Variants in AKAP12 observed in about 807,000 individuals in gnomAD.
AKAP12 encodes A-kinase anchoring protein 12.
AKAP12 carries 32 observed loss-of-function variants against 79.9 expected under a neutral mutation model. The observed-to-expected ratio is 0.40, with a 90% CI of 0.30 to 0.54. AKAP12 has a LOEUF of 0.54. Among genes scored for constraint, AKAP12 ranks in the 20% least tolerant of loss-of-function variants. The pLI is 0.48. For missense variants in AKAP12, 2,074 were observed against 2,177.0 expected (o/e 0.95, Z 0.94); for synonymous variants, 808 against 857.0 (o/e 0.94, Z 1.00).
At chr6:151,263,232 G>A in intron 2 of AKAP12, among the ~76,000 whole-genome samples, 1 of 152,038 alleles carries the variant, frequency 6.6e-6, no homozygotes, top group Non-Finnish European at 1.5e-5. Flanking sequence ...ATAGGGTCTT[G>A]CTATGTTGCC....
At chr6:151,248,859 T>C (rs1319281515) in intron 2 of AKAP12, among the ~76,000 whole-genome samples, 1 of 152,032 alleles carries the variant, frequency 6.6e-6, no homozygotes, top group Non-Finnish European at 1.5e-5. Flanking sequence ...TGGTGGTGTG[T>C]ACCTGTAATC....
intron 2 of AKAP12, among the ~76,000 whole-genome samples, chr6:151,288,369 T>A (rs540595080): frequency 2.6e-5 from 4 of 151,928 alleles, no homozygotes; most frequent in South Asian, 4.2e-4. Context: ...ACAAAAAAAT[T>A]AGCTGGGCAT....
At chr6:151,290,959 C>T (rs1348936663) in intron 2 of AKAP12, among the ~76,000 whole-genome samples, 1 of 152,198 alleles carries the variant, frequency 6.6e-6, no homozygotes, top group Non-Finnish European at 1.5e-5. Flanking sequence ...ATCCCCTTCT[C>T]TTCCTCAGAA....
chr6:151,262,673 G>T (rs930563888), intron 2 of AKAP12, among the ~76,000 whole-genome samples: 3 of 152,010 alleles, frequency 2.0e-5, no homozygotes, highest in Non-Finnish European at 4.4e-5. Context: ...GTGAATATCT[G>T]GCATGAATTA....
intron 3 of AKAP12, among the ~76,000 whole-genome samples, chr6:151,323,019 G>T (rs1350983714): frequency 1.3e-5 from 2 of 151,952 alleles, no homozygotes; most frequent in Non-Finnish European, 2.9e-5. Flanking sequence ...AATGATAAAA[G>T]AAAGTCTCCT....
rs759523213 is a variant in AKAP12 at position 151,352,146 on chromosome 6, T to G, written c.3755T>G (p.Val1252Gly). 1 of 1,613,972 alleles carries G rather than the reference T, an allele frequency of 6.2e-7. No homozygotes were observed. The highest frequency in any genetic ancestry group is 1.3e-5 in the African/African-American group (1 of 74,898). ...TLEHTDKEVS[V>G]ETVSILSKTE... Reference sequence around the variant, plus strand: ...GAGCATACAGATAAAGAGGTGTCAGTGGAAACTGTATCCATTCTGTCAAAG... The same window carrying G: ...GAGCATACAGATAAAGAGGTGTCAGGGGAAACTGTATCCATTCTGTCAAAG... The change falls in exon 4 of 5, where the codon GTG (valine) becomes GGG (glycine). Residue 1252 changes from valine (V) to glycine (G), a missense_variant. Coordinates refer to ENST00000402676, the MANE Select transcript of AKAP12 (RefSeq NM_005100.4).
At chr6:151,344,628 T>C (rs961599796) in intron 3 of AKAP12, among the ~76,000 whole-genome samples, 1 of 151,618 alleles carries the variant, frequency 6.6e-6, no homozygotes, top group African/African-American at 2.4e-5. Flanking sequence ...CTGCCTCCCA[T>C]GTTCAAGAGA....
chr6:151,345,236 T>C (rs979477440), intron 3 of AKAP12, among the ~76,000 whole-genome samples: 22 of 151,612 alleles, frequency 1.5e-4, no homozygotes, highest in Non-Finnish European at 3.2e-4. Context: ...CCACCACGCC[T>C]GGCTAATTTT....
At position 151,297,240 on chromosome 6, in the gene AKAP12, C is replaced by T. The variant is rs1231110564; in HGVS notation, c.163-8507C>T. On this transcript the variant is annotated intron_variant, in intron 2 of 4. Coordinates refer to ENST00000402676, the MANE Select transcript of AKAP12 (RefSeq NM_005100.4). The stretch of plus-strand genomic sequence containing the variant: ...TTGTGGGGGCAGGATCACTTGCCCT[C>T]GCAACCTGAGGATCTGAACCAACCA... Among the ~76,000 whole-genome samples the T allele has an allele frequency of 5.3e-5, 8 of 151,198 alleles. 1 individual carries two copies. The highest frequency in any genetic ancestry group is 4.2e-4 in the South Asian group (2 of 4,794).
At chr6:151,273,305 G>T (rs75873363) in intron 2 of AKAP12, among the ~76,000 whole-genome samples, 1 of 152,332 alleles carries the variant, frequency 6.6e-6, no homozygotes, top group East Asian at 1.9e-4. Flanking sequence ...AGCAATCACA[G>T]ACAATGCCTG....
At chr6:151,324,724 G>A in intron 3 of AKAP12, 3 of 985,304 alleles carry the variant, frequency 3.0e-6, no homozygotes, top group Non-Finnish European at 3.6e-6. Context: ...CAAACCCAGG[G>A]GACCTAACGG....
In AKAP12 at chr6:151,349,388, G is replaced by A. The variant is rs935933534; in HGVS notation, c.997G>A (p.Glu333Lys). The A allele has an allele frequency of 2.5e-6, 4 of 1,613,608 alleles. No individual in the cohort carries two copies. The highest frequency in any genetic ancestry group is 3.4e-6 in the Non-Finnish European group (4 of 1,179,944). ...AGAGAAGAAAAAGGAACAAGAGCCA[G>A]AAAAAGTAGACACAGAAGAAGACGG... ...ASEKKKEQEP[E>K]KVDTEEDGKA... Residue 333 changes from glutamate (E) to lysine (K), a missense_variant, in exon 4 of 5, where the codon GAA becomes AAA. Coordinates refer to ENST00000402676, the MANE Select transcript of AKAP12 (RefSeq NM_005100.4).
intron 2 of AKAP12, among the ~76,000 whole-genome samples, chr6:151,247,878 A>G (rs997953962): frequency 6.6e-6 from 1 of 152,020 alleles, no homozygotes; most frequent in Non-Finnish European, 1.5e-5. Context: ...ACCATTAGGC[A>G]CCTCTTAATA....
Position 151,329,039 on chromosome 6 carries a change from C to T in AKAP12, c.320-19672C>T, listed in dbSNP as rs1777605647. ...TCACATCTCATTTGCAATAAGTTAG[C>T]TTTGAGACAAGAAATAAGTGATGTG... On this transcript the variant is annotated intron_variant, in intron 3 of 4. Coordinates refer to ENST00000402676, the MANE Select transcript of AKAP12 (RefSeq NM_005100.4). 2.0e-5 allele frequency among the ~76,000 whole-genome samples: 3 copies of T among 152,140 alleles called. No homozygotes were observed. The South Asian group carries it at 6.2e-4, about 32-fold the overall frequency.
chr6:151,261,117 G>A (rs1300390210), intron 2 of AKAP12, among the ~76,000 whole-genome samples: 2 of 152,090 alleles, frequency 1.3e-5, no homozygotes, highest in Non-Finnish European at 2.9e-5. Context: ...GCCGGCTTCA[G>A]TGGCTCATGC....
At chr6:151,316,292 C>T (rs183522132) in intron 3 of AKAP12, among the ~76,000 whole-genome samples, 9 of 152,290 alleles carry the variant, frequency 5.9e-5, no homozygotes, top group Admixed American at 5.2e-4. Context: ...GTGAAAAGTG[C>T]TATGTGCTAG....
chr6:151,325,027 G>C (rs1253233537), intron 3 of AKAP12: 13 of 985,350 alleles, frequency 1.3e-5, no homozygotes, highest in Non-Finnish European at 1.6e-5. Flanking sequence ...CCATGCTCAA[G>C]TCTGCTTTTG....
chr6:151,252,838 C>T (rs915211740), intron 2 of AKAP12, among the ~76,000 whole-genome samples: 3 of 151,972 alleles, frequency 2.0e-5, no homozygotes, highest in Non-Finnish European at 4.4e-5. Flanking sequence ...ACTGTTCTAT[C>T]CCAGCATGGC....
chr6:151,264,404 C>T (rs1797506700), intron 2 of AKAP12, among the ~76,000 whole-genome samples: 1 of 148,738 alleles, frequency 6.7e-6, no homozygotes, highest in African/African-American at 2.5e-5. Context: ...GGCATAGTGG[C>T]TCACACCTGT....
Sources: gnomAD v4.1 joint callset for allele counts (sites outside exome capture counted in the v4.1 genomes callset) on GRCh38, gnomAD v4.1.1 for gene constraint, MANE v1.5 for transcripts, NCBI Gene and HGNC (gene_info 2026-07-23, HGNC 2026-07-21) for gene names.